The following LINGO1 variants were observed in gnomAD, a reference collection of about 807,000 sequenced individuals.
LINGO1 encodes the protein leucine rich repeat and Ig domain containing 1.
A neutral mutation model predicts 37.3 loss-of-function variants in LINGO1; 11 were observed. The observed-to-expected ratio is 0.29, with a 90% CI of 0.19 to 0.49. The LOEUF is 0.49. LINGO1 is among the 20% of genes least tolerant of loss of function. LINGO1 has a pLI of 0.99. For missense variants in LINGO1, 585 were observed against 878.2 expected (o/e 0.67, Z 4.22); for synonymous variants, 387 against 403.0 (o/e 0.96, Z 0.48).
chr15:77,791,500 AC>A (rs2076818529), upstream of LINGO1, among the ~76,000 whole-genome samples: 1 of 151,922 alleles, frequency 6.6e-6, no homozygotes, highest in African/African-American at 2.4e-5. Context: ...GAGGAGAGTC[AC>A]CTGTTGGAAA....
At chr15:77,664,170 T>TGCGCGCGCGCATGCGC (rs1555527607) in intron 3 of LINGO1, among the ~76,000 whole-genome samples, 8 of 131,010 alleles carry the variant, frequency 6.1e-5, no homozygotes, top group Non-Finnish European at 9.3e-5. Flanking sequence ...TGTGTGTGTG[T>TGCGCGCGCGCATGCGC]GCGCGCGCGC....
At chr15:77,706,961 C>T (rs544148038) in intron 2 of LINGO1, among the ~76,000 whole-genome samples, 4 of 152,238 alleles carry the variant, frequency 2.6e-5, no homozygotes, top group Admixed American at 6.5e-5. Flanking sequence ...GTTCTGCCTC[C>T]GTGGGCAATG....
chr15:77,658,923 T>C (rs1473324981), intron 3 of LINGO1, among the ~76,000 whole-genome samples: 1 of 151,654 alleles, frequency 6.6e-6, no homozygotes. Flanking sequence ...TAGAGTGGAG[T>C]GGAGATTTTA....
chr15:77,641,949 T>C (rs757545843), intron 3 of LINGO1: 12 of 456,352 alleles, frequency 2.6e-5, no homozygotes, highest in Non-Finnish European at 8.8e-6. Flanking sequence ...GTTGGCGGAG[T>C]GGTCTTGGGT....
At chr15:77,765,639 C>G (rs2141391406) in intron 1 of LINGO1, among the ~76,000 whole-genome samples, 1 of 152,150 alleles carries the variant, frequency 6.6e-6, no homozygotes, top group Non-Finnish European at 1.5e-5. Flanking sequence ...GAGGATCAAA[C>G]TGAGGGTCTC....
intron 1 of LINGO1, among the ~76,000 whole-genome samples, chr15:77,625,266 C>A (rs767308084): frequency 6.6e-6 from 1 of 152,196 alleles, no homozygotes; most frequent in African/African-American, 2.4e-5. Context: ...AATAGAATGA[C>A]GATGAGAATG....
intron 2 of LINGO1, among the ~76,000 whole-genome samples, chr15:77,709,131 GTAATTTCTAT>G (rs760994734): frequency 6.6e-6 from 1 of 152,208 alleles, no homozygotes; most frequent in Non-Finnish European, 1.5e-5. Context: ...CTGTGAGAGA[GTAATTTCTAT>G]TGTTTTAAAC....
At chr15:77,659,583 G>A (rs2074943173) in intron 3 of LINGO1, among the ~76,000 whole-genome samples, 1 of 152,166 alleles carries the variant, frequency 6.6e-6, no homozygotes, top group Non-Finnish European at 1.5e-5. Flanking sequence ...GAAGTGTGAG[G>A]TCAGTTCAGA....
rs558707538 is a variant in LINGO1 at position 77,774,573 on chromosome 15, A to G, written c.-257+12296T>C. Among the ~76,000 whole-genome samples the G allele has an allele frequency of 5.9e-5, 9 of 152,176 alleles. No individual in the cohort carries two copies. The East Asian group carries it at 1.5e-3, about 26-fold the overall frequency. On this transcript the variant is annotated intron_variant, in intron 1 of 3. Transcript: ENST00000561686. ...GCACACACACAATCCCGGGTGCCTG[A>G]TCCCCAGCAGGGCATGAGCCCAGTG...
At chr15:77,805,429 C>G (rs770914881) in intron 1 of LINGO1, among the ~76,000 whole-genome samples, 1 of 152,186 alleles carries the variant, frequency 6.6e-6, no homozygotes, top group East Asian at 1.9e-4. Flanking sequence ...AATGATACCC[C>G]AGGTCCCCAG....
intron 3 of LINGO1, among the ~76,000 whole-genome samples, chr15:77,670,760 C>A (rs565255683): frequency 6.6e-6 from 1 of 152,192 alleles, no homozygotes; most frequent in Non-Finnish European, 1.5e-5. Flanking sequence ...GGACCCAGGG[C>A]GGCCAGGGGC....
At chr15:77,696,512 G>C (rs1157962489), upstream of LINGO1, 2 of 152,444 alleles carry the variant, frequency 1.3e-5, no homozygotes, top group African/African-American at 2.4e-5. Flanking sequence ...CCGAAGGCTG[G>C]CTGTGCCGGG....
chr15:77,808,317 G>A (rs902401627), intron 1 of LINGO1, among the ~76,000 whole-genome samples: 1 of 152,138 alleles, frequency 6.6e-6, no homozygotes, highest in African/African-American at 2.4e-5. Context: ...GGTCAGTTTC[G>A]CCGCAAGGCC....
intron 2 of LINGO1, among the ~76,000 whole-genome samples, chr15:77,711,460 GCC>G (rs1471888546): frequency 1.3e-5 from 2 of 152,134 alleles, no homozygotes; most frequent in Admixed American, 1.3e-4. Context: ...TTCCAAGTAG[GCC>G]TGAGGCCTGC....
chr15:77,731,593 G>A (rs990583069), intron 2 of LINGO1, among the ~76,000 whole-genome samples: 1 of 152,148 alleles, frequency 6.6e-6, no homozygotes, highest in South Asian at 2.1e-4. Flanking sequence ...GATGTTCCAT[G>A]TGTGAAGAGC....
intron 1 of LINGO1, among the ~76,000 whole-genome samples, chr15:77,748,030 G>A (rs1375148056): frequency 6.6e-6 from 1 of 152,242 alleles, no homozygotes; most frequent in Non-Finnish European, 1.5e-5. Context: ...GAACCCCGGT[G>A]CGACAGAGCC....
At chr15:77,783,817 G>A (rs1596227667) in intron 1 of LINGO1, among the ~76,000 whole-genome samples, 1 of 152,226 alleles carries the variant, frequency 6.6e-6, no homozygotes, top group Non-Finnish European at 1.5e-5. Flanking sequence ...CCTGACTCAG[G>A]AGCCAGTGCT....
chr15:77,747,036 A>G (rs2076321031), intron 1 of LINGO1, among the ~76,000 whole-genome samples: 1 of 152,200 alleles, frequency 6.6e-6, no homozygotes. Context: ...ACTAGAACAC[A>G]GGCACCTAGG....
intron 1 of LINGO1, among the ~76,000 whole-genome samples, chr15:77,750,192 C>T (rs867362938): frequency 5.3e-5 from 8 of 152,218 alleles, no homozygotes; most frequent in African/African-American, 1.2e-4. Context: ...GTATCCACCC[C>T]TGAGCTGGGC....
Sources: gnomAD v4.1 joint callset for allele counts (sites outside exome capture counted in the v4.1 genomes callset) on GRCh38, gnomAD v4.1.1 for gene constraint, MANE v1.5 for transcripts, NCBI Gene and HGNC (gene_info 2026-07-23, HGNC 2026-07-21) for gene names.